The following PLAA variants were observed in gnomAD, a reference collection of about 807,000 sequenced individuals.
PLAA encodes the protein phospholipase A2 activating protein, also known as phospholipase A-2-activating protein.
Under a neutral mutation model 84.1 loss-of-function variants are expected in PLAA, and 48 were observed. That is an observed-to-expected ratio of 0.57 (90% CI 0.45 to 0.73). The LOEUF (loss-of-function observed/expected upper bound fraction) is 0.73. Ranked by LOEUF, PLAA falls within the 30% of genes least tolerant of loss-of-function variation. The pLI, the probability that PLAA is intolerant of heterozygous loss-of-function variation, is 0.00. For synonymous variants in PLAA, 392 were observed against 336.6 expected (o/e 1.16, Z -1.80); for missense variants, 903 against 954.7 (o/e 0.95, Z 0.71).
chr9:26,946,956 C>A lies in PLAA; in HGVS notation c.90G>T (p.Pro30=). 2 of 1,588,986 alleles carry A rather than the reference C, an allele frequency of 1.3e-6. No individual in the cohort carries two copies. The highest frequency in any genetic ancestry group is 1.7e-6 in the Non-Finnish European group (2 of 1,167,816). ...GGGACACGGACACAAAGGCTCCCGG[C>A]GGATAGGCGCAGCACACCAGGCCCC... ...DVRGLVCCAY[P]PGAFVSVSRD... Residue 30 remains proline, a synonymous_variant, in exon 1 of 14, where the codon CCG becomes CCT. Coordinates refer to ENST00000397292, the MANE Select transcript of PLAA (RefSeq NM_001031689.3).
intron 1 of PLAA, among the ~76,000 whole-genome samples, 164 bp downstream of exon 1, chr9:26,946,733 G>T (rs976115896): frequency 6.6e-6 from 1 of 152,220 alleles, no homozygotes; most frequent in East Asian, 1.9e-4. Context: ...AATCCCGATG[G>T]TTTCTTACAG....
rs753200677 is a variant in PLAA, at chr9:26,903,841, T to TA, written c.*1669dup. On this transcript the variant is annotated 3_prime_UTR_variant, in exon 14 of 14. Coordinates refer to ENST00000397292, the MANE Select transcript of PLAA (RefSeq NM_001031689.3). ...CCTTACATTTTGAAGAGGGAACTCA[T>TA]ATTCTTAACCAAGACTGTTTCTTAT... Among the ~76,000 whole-genome samples the TA allele has an allele frequency of 2.6e-5, 4 of 152,214 alleles. No homozygotes were observed. Among genetic ancestry groups the TA allele is most frequent in the Non-Finnish European group, 4.4e-5 (3 of 68,018 alleles).
chr9:26,940,447 T>G (rs938933512), intron 1 of PLAA, among the ~76,000 whole-genome samples: 3 of 152,212 alleles, frequency 2.0e-5, no homozygotes, highest in Non-Finnish European at 2.9e-5. Flanking sequence ...CTTAGAGCTG[T>G]CAAAATCATA....
At chr9:26,919,054 A>C (rs1379418241) in intron 9 of PLAA, 4 of 343,714 alleles carry the variant, frequency 1.2e-5, no homozygotes, top group African/African-American at 8.4e-5. Context: ...AGAACTTACA[A>C]GTTTATTTTT....
rs1443077952 is a variant in PLAA at position 26,913,928 on chromosome 9, T to C, written c.1506A>G (p.Pro502=). The part of the protein sequence containing the change: ...DPFTGAGRYV[P]GSASMGTTMA... ...TGGTAGTTCCCATACTTGCAGAACC[T>C]GGTACATAACGACCAGCACCTACAA... Residue 502 remains proline (P), a synonymous_variant, in exon 11 of 14, where the codon CCA becomes CCG. Coordinates refer to ENST00000397292, the MANE Select transcript of PLAA (RefSeq NM_001031689.3). 1 of 1,611,848 alleles carries C rather than the reference T, an allele frequency of 6.2e-7. No homozygotes were observed. Among genetic ancestry groups the C allele is most frequent in the African/African-American group, 1.3e-5 (1 of 74,896 alleles).
chr9:26,934,998 C>T lies in PLAA; in HGVS notation c.343+15G>A. The stretch of plus-strand genomic sequence containing the variant: ...AACTTCAAATAGAAAAACACCAAAG[C>T]ATTATTATACTCACCAGTATTTTTG... On this transcript the variant is annotated intron_variant, in intron 2 of 13. Coordinates refer to ENST00000397292, the MANE Select transcript of PLAA (RefSeq NM_001031689.3). 6.6e-7 allele frequency: 1 copy of T among 1,514,590 alleles called. No homozygotes were observed. Among genetic ancestry groups the T allele is most frequent in the Non-Finnish European group, 8.9e-7 (1 of 1,126,494 alleles). 93.8% of individuals were successfully genotyped at this position (1,514,590 alleles called of 1,614,324 possible).
chr9:26,942,474 A>G (rs1825570567), intron 1 of PLAA, among the ~76,000 whole-genome samples: 1 of 152,264 alleles, frequency 6.6e-6, no homozygotes, highest in Non-Finnish European at 1.5e-5. Flanking sequence ...AGTGATAAAT[A>G]CATAGTAAGC....
intron 1 of PLAA, among the ~76,000 whole-genome samples, chr9:26,939,333 A>G (rs1825451355): frequency 1.3e-5 from 2 of 152,096 alleles, no homozygotes; most frequent in Admixed American, 1.3e-4. Context: ...GCTTGCAGTG[A>G]GCCGAGATTG....
chr9:26,917,457 C>T (rs993677958), intron 9 of PLAA, among the ~76,000 whole-genome samples: 1 of 152,202 alleles, frequency 6.6e-6, no homozygotes, highest in Non-Finnish European at 1.5e-5. Flanking sequence ...CAGGTAATAT[C>T]TGACCTAAAT....
chr9:26,928,190 T>C lies in PLAA; in HGVS notation c.475A>G (p.Ile159Val). ...AACATTAAGCCCTGTTCAGGTAAGA[T>C]CTTTACCGCCCACACTGCAGCTGTA... ...GHTAAVWAVK[I>V]LPEQGLMLTG... Residue 159 changes from isoleucine to valine, a missense_variant, in exon 4 of 14, where the codon ATC (isoleucine) becomes GTC (valine). Transcript: ENST00000397292. 2 of 1,614,188 alleles carry C rather than the reference T, an allele frequency of 1.2e-6. No individual in the cohort carries two copies. Among genetic ancestry groups the C allele is most frequent in the Non-Finnish European group, 1.7e-6 (2 of 1,180,020 alleles).
At chr9:26,926,835 C>T (rs777815352) in intron 4 of PLAA, among the ~76,000 whole-genome samples, 77 of 151,974 alleles carry the variant, frequency 5.1e-4, no homozygotes, top group Non-Finnish European at 8.4e-4. Flanking sequence ...AATTTGTTTT[C>T]ACCTGAAAAT....
At chr9:26,907,787 T>C (rs1824281832) in intron 13 of PLAA, 47 bp downstream of exon 13, 8 of 1,497,034 alleles carry the variant, frequency 5.3e-6, no homozygotes, top group Middle Eastern at 4.5e-4. Flanking sequence ...GAAATGAAGA[T>C]AAAACTTCTT....
intron 6 of PLAA, 30 bp downstream of exon 6, chr9:26,925,795 A>G (rs1231348979): frequency 6.2e-7 from 1 of 1,607,650 alleles, no homozygotes; most frequent in Admixed American, 1.7e-5. Context: ...TAGACATATA[A>G]CATTTAATGA....
intron 6 of PLAA, among the ~76,000 whole-genome samples, chr9:26,924,412 G>C (rs909580896): frequency 6.6e-6 from 1 of 152,164 alleles, no homozygotes; most frequent in South Asian, 2.1e-4. Flanking sequence ...GGGATTACAA[G>C]TGTGAGCCAC....
chr9:26,934,476 T>A (rs1356859419), intron 2 of PLAA, among the ~76,000 whole-genome samples: 1 of 2,584 alleles, frequency 3.9e-4, no homozygotes, highest in Non-Finnish European at 1.8e-3. Flanking sequence ...AACACTTTAC[T>A]TTTTTTTTTT....
At chr9:26,916,352 T>C in intron 10 of PLAA, 1 of 987,008 alleles carries the variant, frequency 1.0e-6, no homozygotes, top group South Asian at 4.7e-5. Context: ...TCAAAAGCCA[T>C]TCTGAAAATA....
intron 2 of PLAA, among the ~76,000 whole-genome samples, chr9:26,930,545 G>T (rs1415253716): frequency 6.6e-6 from 1 of 151,922 alleles, no homozygotes; most frequent in African/African-American, 2.4e-5. Flanking sequence ...GAACATGTAG[G>T]GTTAATGAGA....
chr9:26,931,798 T>C (rs1825193873), intron 2 of PLAA, among the ~76,000 whole-genome samples: 1 of 152,100 alleles, frequency 6.6e-6, no homozygotes, highest in African/African-American at 2.4e-5. Context: ...TCCCACCACT[T>C]TGGAAGGCCG....
chr9:26,938,471 G>A (rs527380490), intron 1 of PLAA, among the ~76,000 whole-genome samples: 12 of 151,348 alleles, frequency 7.9e-5, no homozygotes, highest in Non-Finnish European at 1.0e-4. Context: ...AGGATCCCTT[G>A]AGCCTGGGAG....
Sources: gnomAD v4.1 joint callset for allele counts (sites outside exome capture counted in the v4.1 genomes callset) on GRCh38, gnomAD v4.1.1 for gene constraint, MANE v1.5 for transcripts, NCBI Gene and HGNC (gene_info 2026-07-23, HGNC 2026-07-21) for gene names.